Variants in KIAA1217 observed in about 807,000 individuals in gnomAD.
The protein encoded by KIAA1217 is KIAA1217.
Under a neutral mutation model 163.9 loss-of-function variants are expected in KIAA1217, and 88 were observed. The ratio of observed to expected loss-of-function variants is 0.54; its 90% CI spans 0.45 to 0.64. The LOEUF (loss-of-function observed/expected upper bound fraction) is 0.64, where lower values mean the gene tolerates loss of function less well. Among genes scored for constraint, KIAA1217 ranks in the 30% least tolerant of loss-of-function variants. KIAA1217 has a pLI of 0.00. For synonymous variants in KIAA1217, 903 were observed against 923.1 expected (o/e 0.98, Z 0.39); for missense variants, 2,372 against 2,475.0 (o/e 0.96, Z 0.88).
At chr10:23,776,361 T>G (rs1184534458) in intron 1 of KIAA1217, among the ~76,000 whole-genome samples, 1 of 144,528 alleles carries the variant, frequency 6.9e-6, no homozygotes, top group Non-Finnish European at 1.5e-5. Flanking sequence ...TATATATATT[T>G]ACAATTTTTC....
chr10:24,456,424 C>G (rs1039554137), intron 5 of KIAA1217, among the ~76,000 whole-genome samples: 1 of 152,086 alleles, frequency 6.6e-6, no homozygotes, highest in Admixed American at 6.6e-5. Context: ...AATAATCATG[C>G]GTGCTCAGTG....
chr10:23,728,112 G>A (rs1359484079), intron 1 of KIAA1217, among the ~76,000 whole-genome samples: 1 of 152,126 alleles, frequency 6.6e-6, no homozygotes, highest in Non-Finnish European at 1.5e-5. Flanking sequence ...AAACATACAT[G>A]TGCGTGTATC....
chr10:24,440,456 C>A (rs955445326), intron 5 of KIAA1217, among the ~76,000 whole-genome samples: 3 of 152,144 alleles, frequency 2.0e-5, no homozygotes, highest in African/African-American at 7.2e-5. Flanking sequence ...ACACCGGTGC[C>A]CCAGAATCGC....
chr10:23,893,786 C>T (rs1419070004), intron 1 of KIAA1217, among the ~76,000 whole-genome samples: 2 of 151,972 alleles, frequency 1.3e-5, no homozygotes, highest in Non-Finnish European at 2.9e-5. Flanking sequence ...AAAAGCTTAT[C>T]CATCATGATC....
At chr10:23,913,774 C>A (rs1215981765) in intron 1 of KIAA1217, among the ~76,000 whole-genome samples, 2 of 152,140 alleles carry the variant, frequency 1.3e-5, no homozygotes, top group African/African-American at 2.4e-5. Context: ...TCTCCCTTTT[C>A]TCATTCTGTT....
intron 1 of KIAA1217, among the ~76,000 whole-genome samples, chr10:23,945,133 A>G (rs541204541): frequency 1.3e-5 from 2 of 152,136 alleles, no homozygotes; most frequent in Admixed American, 1.3e-4. Flanking sequence ...TGACAACAAC[A>G]CACACACATT....
chr10:24,267,813 C>T (rs2076378819), intron 2 of KIAA1217, among the ~76,000 whole-genome samples: 1 of 152,176 alleles, frequency 6.6e-6, no homozygotes, highest in African/African-American at 2.4e-5. Context: ...ATGAGTTGGC[C>T]TAGAAACAAC....
chr10:24,530,059 A>C (rs1278057592), intron 14 of KIAA1217, among the ~76,000 whole-genome samples: 1 of 152,052 alleles, frequency 6.6e-6, no homozygotes, highest in Non-Finnish European at 1.5e-5. Context: ...GGTCTCCCAT[A>C]GTGCTGGGAT....
intron 1 of KIAA1217, among the ~76,000 whole-genome samples, chr10:23,961,235 C>T (rs959598867): frequency 3.3e-5 from 5 of 152,174 alleles, no homozygotes; most frequent in Non-Finnish European, 7.3e-5. Flanking sequence ...TTCCTTTTTA[C>T]GTTGCTTTCT....
In KIAA1217 at chr10:24,103,169, T is replaced by C. The variant is rs117594115; in HGVS notation, c.-171+95795T>C. ...GAACAGACTCATACAATGGGGAAGA[T>C]AGTCTTTTTAAAATAGGGTACTGGA... On this transcript the variant is annotated intron_variant, in intron 2 of 18. Transcript: ENST00000376462. 1.7e-3 allele frequency among the ~76,000 whole-genome samples: 263 copies of C among 152,300 alleles called. 3 individuals are homozygous for C. The East Asian group carries it at 0.032, about 18-fold the overall frequency.
intron 2 of KIAA1217, among the ~76,000 whole-genome samples, chr10:24,157,146 C>T (rs1162486507): frequency 1.3e-5 from 2 of 152,168 alleles, no homozygotes; most frequent in South Asian, 4.1e-4. Flanking sequence ...ATGAAATTAC[C>T]AGTTATTCCA....
chr10:24,460,366 A>G (rs1295695432), intron 5 of KIAA1217, among the ~76,000 whole-genome samples: 1 of 152,210 alleles, frequency 6.6e-6, no homozygotes, highest in African/African-American at 2.4e-5. Context: ...TTATTTTTGA[A>G]TAAAAGTTCA....
At chr10:24,004,526 T>A (rs898209509) in intron 1 of KIAA1217, among the ~76,000 whole-genome samples, 4 of 152,172 alleles carry the variant, frequency 2.6e-5, no homozygotes, top group African/African-American at 9.7e-5. Context: ...ACCTCCCCAA[T>A]TAGTCTGAAT....
chr10:24,017,754 C>T (rs1197456100), intron 2 of KIAA1217, among the ~76,000 whole-genome samples: 1 of 152,092 alleles, frequency 6.6e-6, no homozygotes, highest in Non-Finnish European at 1.5e-5. Flanking sequence ...GCCACTTACC[C>T]TGGGGAGTTT....
chr10:23,780,758 G>A (rs373121370), intron 1 of KIAA1217, among the ~76,000 whole-genome samples: 3 of 152,138 alleles, frequency 2.0e-5, no homozygotes, highest in Non-Finnish European at 2.9e-5. Flanking sequence ...TCAGCTCACC[G>A]CAACCTCCGC....
chr10:23,944,888 G>A (rs1843942604), intron 1 of KIAA1217, among the ~76,000 whole-genome samples: 1 of 151,970 alleles, frequency 6.6e-6, no homozygotes, highest in African/African-American at 2.4e-5. Flanking sequence ...GTGAAACCCT[G>A]TCTCTACTAA....
At chr10:24,426,321 G>A (rs2059163510) in intron 3 of KIAA1217, among the ~76,000 whole-genome samples, 1 of 152,028 alleles carries the variant, frequency 6.6e-6, no homozygotes, top group Non-Finnish European at 1.5e-5. Flanking sequence ...CCATAATGCA[G>A]GATTAAAAGC....
At chr10:24,077,885 G>A (rs1332260637) in intron 2 of KIAA1217, among the ~76,000 whole-genome samples, 3 of 152,162 alleles carry the variant, frequency 2.0e-5, no homozygotes, top group African/African-American at 7.2e-5. Context: ...TAGCCATTCT[G>A]ACTGGTGTGA....
At chr10:23,870,386 ATCT>A (rs1424236357) in intron 1 of KIAA1217, among the ~76,000 whole-genome samples, 1 of 151,680 alleles carries the variant, frequency 6.6e-6, no homozygotes, top group Non-Finnish European at 1.5e-5. Context: ...CATATTCTAG[ATCT>A]TCTTAGCCTC....
Sources: allele counts gnomAD v4.1 joint callset (sites outside exome capture counted in the v4.1 genomes callset), GRCh38; gene constraint gnomAD v4.1.1; transcripts MANE v1.5; gene names NCBI Gene and HGNC (gene_info 2026-07-23, HGNC 2026-07-21).